The following ACTR6 variants were observed in gnomAD, a reference collection of about 807,000 sequenced individuals.
ACTR6 encodes the protein actin related protein 6.
In ACTR6, 50 loss-of-function variants were observed where a neutral mutation model predicts 52.5. The observed-to-expected ratio is 0.95, with a 90% CI of 0.76 to 1.20. The LOEUF is 1.20. Ranked by LOEUF, ACTR6 falls within the 50% of genes most tolerant of loss-of-function variation. The pLI is 0.00. For synonymous variants in ACTR6, 135 were observed against 147.2 expected, an observed-to-expected ratio of 0.92 and a Z score of 0.60; for missense variants, 344 against 472.4, an observed-to-expected ratio of 0.73 and a Z score of 2.52.
rs2096118811 is a variant in ACTR6 at position 100,210,335 on chromosome 12, G to T, written c.556G>T (p.Glu186Ter). The part of the protein sequence containing the change: ...GGKLLTNHLK[E>*]IISYRQLHVM... ...AAAACTCTTAACCAATCATCTAAAG[G>T]AGATCATATCTTACAGGTGATGCTT... Residue 186 changes from glutamate to a stop codon, truncating the protein, a stop_gained, in exon 6 of 11, where the codon GAG becomes TAG. Coordinates refer to ENST00000188312, the MANE Select transcript of ACTR6 (RefSeq NM_022496.5). LOFTEE classifies it high-confidence loss of function. The T allele has an allele frequency of 6.2e-7, 1 of 1,613,912 alleles. No homozygotes were observed. Among genetic ancestry groups the T allele is most frequent in the Admixed American group, 1.7e-5 (1 of 59,978 alleles).
In ACTR6 at chr12:100,210,222, A is replaced by C; in HGVS notation, c.515+14A>C. ...AGCAATTATTCGGTGAGTTGTATTTAATTTTCATGTTGTTTCTAAAGATTA... is the reference window on the plus strand; with the variant it reads ...AGCAATTATTCGGTGAGTTGTATTTCATTTTCATGTTGTTTCTAAAGATTA... On this transcript the variant is annotated intron_variant, in intron 5 of 10. Coordinates refer to ENST00000188312, the MANE Select transcript of ACTR6 (RefSeq NM_022496.5). The C allele has an allele frequency of 6.2e-7, 1 of 1,603,082 alleles. No individual in the cohort carries two copies. The highest frequency in any genetic ancestry group is 1.3e-5 in the African/African-American group (1 of 74,532).
chr12:100,204,964 G>A lies in ACTR6; in HGVS notation c.93G>A (p.Arg31=). The change falls in exon 2 of 11, where the codon CGG becomes CGA. Residue 31 remains arginine (R), a synonymous_variant. Coordinates refer to ENST00000188312, the MANE Select transcript of ACTR6 (RefSeq NM_022496.5). ...GGGTTATTCCTAATTGTCAGTTCCG[G>A]TCAAAAACAGCACGTCTTAAAACTT... The part of the protein sequence containing the change: ...NVSVIPNCQF[R]SKTARLKTFT... 1 of 1,611,074 alleles carries A rather than the reference G, an allele frequency of 6.2e-7. No homozygotes were observed. Among genetic ancestry groups the A allele is most frequent in the Non-Finnish European group, 8.5e-7 (1 of 1,177,804 alleles).
Position 100,218,497 on chromosome 12 carries a change from C to T in ACTR6, c.833C>T (p.Pro278Leu), listed in dbSNP as rs549932412. ...LRLANERFAV[P>L]EILFNPSDIG... is the part of the protein sequence containing the mutation. ...TTGGCCAATGAGAGATTTGCTGTTC[C>T]GGAAATACTCTTTAATCCTTCTGAT... The change falls in exon 9 of 11, where the codon CCG becomes CTG. Residue 278 changes from proline (P) to leucine (L), a missense_variant. Pro to Leu is a moderately conservative substitution (Grantham distance 98, BLOSUM62 -3). Coordinates refer to ENST00000188312, the MANE Select transcript of ACTR6 (RefSeq NM_022496.5). This position sits in a 1 kb window ranked among gnomAD's most constrained non-coding sequence, Gnocchi z 4.2. 33 of 1,605,454 alleles carry T rather than the reference C, an allele frequency of 2.1e-5. No homozygotes were observed. In the South Asian group the frequency reaches 2.1e-4, roughly 10 times the overall value.
chr12:100,210,276 T>C lies in ACTR6; in HGVS notation c.516-19T>C, dbSNP rs1484374838. 2 of 1,613,216 alleles carry C rather than the reference T, an allele frequency of 1.2e-6. No individual in the cohort carries two copies. Among genetic ancestry groups the C allele is most frequent in the African/African-American group, 2.7e-5 (2 of 74,922 alleles). On this transcript the variant is annotated intron_variant, in intron 5 of 10. Coordinates refer to ENST00000188312, the MANE Select transcript of ACTR6 (RefSeq NM_022496.5). ...AGAATGATATGTGCGATAATTAAAT[T>C]TGAGTTCTCCCCTTGCAGGATAAAT...
chr12:100,213,485 A>G (rs1000148765), intron 8 of ACTR6, among the ~76,000 whole-genome samples: 1 of 152,248 alleles, frequency 6.6e-6, no homozygotes, highest in Non-Finnish European at 1.5e-5. Context: ...TTTATTTAGA[A>G]AAAGAACTAT....
At chr12:100,223,317 G>A (rs1297013965) in intron 10 of ACTR6, among the ~76,000 whole-genome samples, 1 of 152,024 alleles carries the variant, frequency 6.6e-6, no homozygotes, top group Admixed American at 6.6e-5. Context: ...CTCCAGCCTG[G>A]GCGATAGAGT....
chr12:100,221,360 CT>C (rs1566298679), intron 10 of ACTR6, among the ~76,000 whole-genome samples: 1 of 152,120 alleles, frequency 6.6e-6, no homozygotes, highest in Non-Finnish European at 1.5e-5. Context: ...GTATCACTTT[CT>C]TTTATAGCTA....
chr12:100,205,718 T>C lies in ACTR6; in HGVS notation c.229T>C (p.Tyr77His). The change falls in exon 3 of 11, where the codon TAC becomes CAC. Residue 77 changes from tyrosine (Y) to histidine (H), a missense_variant. Transcript: ENST00000188312. ...GGATGTTCAGAGACAAGTTTGGGAT[T>C]ACCTTTTTGGAAAAGAAATGTATCA... ...NWDVQRQVWD[Y>H]LFGKEMYQVD... is the part of the protein sequence containing the mutation. 6.6e-7 allele frequency: 1 copy of C among 1,521,312 alleles called. No individual in the cohort carries two copies. Among genetic ancestry groups the C allele is most frequent in the Non-Finnish European group, 8.8e-7 (1 of 1,136,342 alleles). The allele number at this position is 1,521,312 out of a possible 1,614,324, so 94.2% of individuals were successfully genotyped here. A position where few individuals can be genotyped will look rare whatever the true frequency, so the allele number is the denominator to read the frequency against.
rs948595715 is a variant in ACTR6 at position 100,207,789 on chromosome 12, G to A, written c.379+3G>A. ...TCAAGCAGTATTAAGAGTAAATGGTGAGTTCAAGTTTTCACTGAAATTGAG... is the reference window on the plus strand; with the variant it reads ...TCAAGCAGTATTAAGAGTAAATGGTAAGTTCAAGTTTTCACTGAAATTGAG... On this transcript the variant is annotated splice_donor_region_variant and intron_variant, in intron 4 of 10. Transcript: ENST00000188312. The A allele has an allele frequency of 1.3e-6, 2 of 1,593,268 alleles. No individual in the cohort carries two copies. The highest frequency in any genetic ancestry group is 1.3e-5 in the African/African-American group (1 of 74,530).
At chr12:100,202,857 CAAA>C (rs541518616) in intron 1 of ACTR6, among the ~76,000 whole-genome samples, 7 of 110,344 alleles carry the variant, frequency 6.3e-5, no homozygotes, top group Non-Finnish European at 2.0e-5. Flanking sequence ...GACTCGGTCT[CAAA>C]AAAAAAAAAA....
At chr12:100,209,047 G>A (rs867210775) in intron 4 of ACTR6, among the ~76,000 whole-genome samples, 25 of 152,192 alleles carry the variant, frequency 1.6e-4, no homozygotes, top group African/African-American at 5.1e-4. Flanking sequence ...GCTCCAGGCC[G>A]AATTCTTATT....
At chr12:100,211,639 A>ATG (rs1447614264) in intron 6 of ACTR6, among the ~76,000 whole-genome samples, 4 of 152,024 alleles carry the variant, frequency 2.6e-5, no homozygotes, top group Admixed American at 6.6e-5. Flanking sequence ...ATATATATAT[A>ATG]TGTTTTAAAG....
chr12:100,201,042 A>G, intron 1 of ACTR6, 123 bp downstream of exon 1: 8 of 1,559,978 alleles, frequency 5.1e-6, no homozygotes, highest in Non-Finnish European at 6.9e-6. Flanking sequence ...AGCCAGAGGG[A>G]TTCCCTGGTT....
Position 100,205,752 on chromosome 12 carries a change from AT to A in ACTR6, c.255+10del. On this transcript the variant is annotated intron_variant, in intron 3 of 10. Transcript: ENST00000188312. ...GGAAAAGAAATGTATCAGGTAACAA[AT>A]TAGAGTATGTATTAAAATTCTATTT... 1 of 1,442,648 alleles carries A rather than the reference AT, an allele frequency of 6.9e-7. No homozygotes were observed. Among genetic ancestry groups the A allele is most frequent in the Non-Finnish European group, 9.3e-7 (1 of 1,077,642 alleles). 89.4% of individuals were successfully genotyped at this position (1,442,648 alleles called of 1,614,324 possible).
At chr12:100,213,006 C>CAAAA (rs60253803) in intron 8 of ACTR6, among the ~76,000 whole-genome samples, 5 of 66,716 alleles carry the variant, frequency 7.5e-5, no homozygotes, top group African/African-American at 1.9e-4. Context: ...GACTCTGTCT[C>CAAAA]AAAAAAAAAA....
chr12:100,208,693 G>C (rs2096117187), intron 4 of ACTR6: 1 of 455,544 alleles, frequency 2.2e-6, no homozygotes, highest in Non-Finnish European at 4.4e-6. Context: ...ATTTCTGAAA[G>C]ATTCTGAGGT....
At chr12:100,207,976 A>G in intron 4 of ACTR6, 190 bp downstream of exon 4, 1 of 502,702 alleles carries the variant, frequency 2.0e-6, no homozygotes, top group South Asian at 1.9e-5. Context: ...CCTGGGCAGC[A>G]TGGTGAAACC....
chr12:100,221,870 C>T (rs964239935), intron 10 of ACTR6: 1 of 151,916 alleles, frequency 6.6e-6, no homozygotes, highest in Admixed American at 6.6e-5. Context: ...ACTGTTTCAC[C>T]CAAGCTGGCC....
chr12:100,221,069 A>G (rs1180552916), intron 10 of ACTR6, among the ~76,000 whole-genome samples: 1 of 152,044 alleles, frequency 6.6e-6, no homozygotes, highest in Non-Finnish European at 1.5e-5. Flanking sequence ...GGGCTTATAT[A>G]TCATCCTATT....
Sources: gnomAD v4.1 joint callset for allele counts (sites outside exome capture counted in the v4.1 genomes callset) on GRCh38, gnomAD v4.1.1 for gene constraint, Gnocchi (gnomAD v3.1) non-coding constraint, MANE v1.5 for transcripts, NCBI Gene and HGNC (gene_info 2026-07-23, HGNC 2026-07-21) for gene names.